NYAP2: variants seen among roughly 807,000 people sequenced by gnomAD.
NYAP2 encodes neuronal tyrosine-phosphorylated phosphoinositide-3-kinase adaptor 2, also known as neuronal tyrosine-phosphorylated phosphoinositide-3-kinase adapter 2.
NYAP2 carries 23 observed loss-of-function variants against 50.4 expected under a neutral mutation model. The ratio of observed to expected loss-of-function variants is 0.46; its 90% CI spans 0.33 to 0.65. NYAP2 has a LOEUF of 0.65. Among genes scored for constraint, NYAP2 ranks in the 30% least tolerant of loss-of-function variants. NYAP2 has a pLI of 0.02. For missense variants in NYAP2, 885 were observed against 861.0 expected, an observed-to-expected ratio of 1.03 and a Z score of -0.35; for synonymous variants, 394 against 365.2, an observed-to-expected ratio of 1.08 and a Z score of -0.90.
chr2:225,622,503 TTTCTTTCTTTCTTTC>T lies in NYAP2; in HGVS notation c.1619-4396_1619-4382del, dbSNP rs1390169355. Among the ~76,000 whole-genome samples the T allele has an allele frequency of 3.9e-4, 7 of 18,150 alleles. 1 individual carries two copies. The highest frequency in any genetic ancestry group is 8.3e-3 in the South Asian group (2 of 242). 11.9% of individuals were successfully genotyped at this position (18,150 alleles called of 152,430 possible). ...AAGGACATTAACCAATTTTATTTCT[TTTCTTTCTTTCTTTC>T]TTCTTTCTTTCTTTCTTTCTTTCTT... On this transcript the variant is annotated intron_variant, in intron 5 of 6. Transcript: ENST00000636099.
intron 3 of NYAP2, among the ~76,000 whole-genome samples, chr2:225,420,423 T>A (rs1051963641): frequency 6.6e-6 from 1 of 152,166 alleles, no homozygotes; most frequent in South Asian, 2.1e-4. Context: ...AAATAATTTT[T>A]AAAATTTTTT....
At chr2:225,559,247 A>T (rs1691828111) in intron 4 of NYAP2, among the ~76,000 whole-genome samples, 1 of 152,032 alleles carries the variant, frequency 6.6e-6, no homozygotes, top group African/African-American at 2.4e-5. Flanking sequence ...ACTTTCTGAA[A>T]TATGAGTGTC....
chr2:225,651,917 A>T (rs536994313), exon 7 of NYAP2: 86 of 180,466 alleles, frequency 4.8e-4, no homozygotes, highest in African/African-American at 2.0e-3. Context: ...ATTTATCAAT[A>T]TTTGATAAAT....
intron 4 of NYAP2, among the ~76,000 whole-genome samples, chr2:225,572,089 G>A (rs1387802510): frequency 6.6e-6 from 1 of 152,202 alleles, no homozygotes; most frequent in Non-Finnish European, 1.5e-5. Flanking sequence ...ACTTCAGCCT[G>A]CACTTCATTG....
chr2:225,605,132 T>C (rs190110427), intron 5 of NYAP2, among the ~76,000 whole-genome samples: 110 of 152,200 alleles, frequency 7.2e-4, no homozygotes, highest in Non-Finnish European at 1.3e-3. Flanking sequence ...GGAAACGATA[T>C]TTTTCTCCCC....
intron 4 of NYAP2, among the ~76,000 whole-genome samples, chr2:225,543,188 A>T (rs1241064923): frequency 6.6e-6 from 1 of 151,764 alleles, no homozygotes; most frequent in Non-Finnish European, 1.5e-5. Flanking sequence ...ACACACCTTT[A>T]TCTTTTTAAA....
chr2:225,498,354 T>G (rs1574644755), intron 3 of NYAP2, among the ~76,000 whole-genome samples: 1 of 152,180 alleles, frequency 6.6e-6, no homozygotes, highest in East Asian at 1.9e-4. Flanking sequence ...ACTTGAGATT[T>G]TTTTTTTCCT....
chr2:225,438,974 G>T (rs1464514040), intron 3 of NYAP2, among the ~76,000 whole-genome samples: 1 of 152,182 alleles, frequency 6.6e-6, no homozygotes, highest in African/African-American at 2.4e-5. Flanking sequence ...AATGTTCCGG[G>T]TAAGTGAGAT....
At chr2:225,510,536 T>C (rs989222105) in intron 3 of NYAP2, among the ~76,000 whole-genome samples, 1 of 152,248 alleles carries the variant, frequency 6.6e-6, no homozygotes, top group Middle Eastern at 3.2e-3. Context: ...AGTTGTATGC[T>C]GCATTTCACA....
intron 3 of NYAP2, among the ~76,000 whole-genome samples, chr2:225,482,446 T>C (rs1690222742): frequency 6.6e-6 from 1 of 152,114 alleles, no homozygotes; most frequent in Non-Finnish European, 1.5e-5. Context: ...TCATCAAAAA[T>C]AATATATTCA....
chr2:225,639,990 C>T (rs931572685), intron 6 of NYAP2, among the ~76,000 whole-genome samples: 2 of 152,114 alleles, frequency 1.3e-5, no homozygotes, highest in African/African-American at 4.8e-5. Flanking sequence ...AAGCTAAGAA[C>T]CTGACAAGGG....
At chr2:225,685,337 T>TA in the NYAP2 span, among the ~76,000 whole-genome samples, 1 of 152,218 alleles carries the variant, frequency 6.6e-6, no homozygotes, top group Non-Finnish European at 1.5e-5. Context: ...AATGCTAATA[T>TA]AAATGATTAA....
intron 5 of NYAP2, among the ~76,000 whole-genome samples, chr2:225,597,355 C>A (rs1692619318): frequency 6.6e-6 from 1 of 150,828 alleles, no homozygotes; most frequent in South Asian, 2.1e-4. Context: ...CCTTTGCATC[C>A]TCATAGCTTA....
chr2:225,567,921 T>G (rs562340988), intron 4 of NYAP2, among the ~76,000 whole-genome samples: 1 of 152,330 alleles, frequency 6.6e-6, no homozygotes, highest in Admixed American at 6.5e-5. Flanking sequence ...TGGCATATTT[T>G]GCAGTAATTC....
intron 4 of NYAP2, among the ~76,000 whole-genome samples, chr2:225,568,447 A>C (rs1692001257): frequency 6.6e-6 from 1 of 152,116 alleles, no homozygotes; most frequent in African/African-American, 2.4e-5. Flanking sequence ...TGCTTCTTCA[A>C]GACTATTTGA....
intron 5 of NYAP2, among the ~76,000 whole-genome samples, chr2:225,617,754 A>G (rs1470552280): frequency 6.6e-6 from 1 of 152,194 alleles, no homozygotes; most frequent in African/African-American, 2.4e-5. Context: ...CATGTTCTCC[A>G]GTTATTGAGG....
intron 3 of NYAP2, among the ~76,000 whole-genome samples, chr2:225,446,280 A>ATATATG (rs1689563628): frequency 7.5e-6 from 1 of 133,518 alleles, no homozygotes; most frequent in South Asian, 2.5e-4. Flanking sequence ...ATATATATAT[A>ATATATG]TGTGGAATTA....
chr2:225,574,061 A>C (rs1692126612), intron 4 of NYAP2, among the ~76,000 whole-genome samples: 1 of 152,114 alleles, frequency 6.6e-6, no homozygotes, highest in Non-Finnish European at 1.5e-5. Context: ...TGTTCCCCAA[A>C]AGTTTCATGA....
chr2:225,481,072 C>T (rs563232816), intron 3 of NYAP2, among the ~76,000 whole-genome samples: 12 of 152,120 alleles, frequency 7.9e-5, no homozygotes, highest in Admixed American at 6.5e-4. Context: ...TTAATGTGTT[C>T]CATGAAATCA....
Sources: gnomAD v4.1 joint callset for allele counts (sites outside exome capture counted in the v4.1 genomes callset) on GRCh38, gnomAD v4.1.1 for gene constraint, MANE v1.5 for transcripts, NCBI Gene and HGNC (gene_info 2026-07-23, HGNC 2026-07-21) for gene names.